Variants in LHX3 observed in about 807,000 individuals in gnomAD.
The protein encoded by LHX3 is LIM homeobox 3, also known as LIM/homeobox protein Lhx3.
In LHX3, 21 loss-of-function variants were observed where a neutral mutation model predicts 32.4. The observed-to-expected ratio is 0.65, with a 90% CI of 0.46 to 0.93. The LOEUF is 0.93. Among genes scored for constraint, LHX3 ranks in the 40% least tolerant of loss-of-function variants. The pLI is 0.00. For missense variants in LHX3, 626 were observed against 560.0 expected, an observed-to-expected ratio of 1.12 and a Z score of -1.19; for synonymous variants, 258 against 246.8, an observed-to-expected ratio of 1.05 and a Z score of -0.43.
At chr9:136,200,854 C>A in intron 1 of LHX3, 101 bp from the exon 2 acceptor site, 1 of 1,375,974 alleles carries the variant, frequency 7.3e-7, no homozygotes, top group East Asian at 2.4e-5. Flanking sequence ...GCCCACAGGA[C>A]TCAGGGCTGC....
At chr9:136,201,016 A>G in intron 1 of LHX3, 1 of 913,278 alleles carries the variant, frequency 1.1e-6, no homozygotes, top group South Asian at 1.8e-5. Context: ...AAAGCAGCCC[A>G]GGCCATTTCA....
Position 136,199,075 on chromosome 9 carries a change from G to GCT in LHX3, c.455-17_455-16insAG, listed in dbSNP as rs1342332852. The GCT allele has an allele frequency of 6.9e-6, 10 of 1,452,612 alleles. No individual in the cohort carries two copies. The highest frequency in any genetic ancestry group is 9.1e-6 in the Non-Finnish European group (10 of 1,099,812). 90.0% of individuals were successfully genotyped at this position (1,452,612 alleles called of 1,614,324 possible). On this transcript the variant is annotated splice_polypyrimidine_tract_variant and intron_variant, in intron 3 of 5. Transcript: ENST00000371748. The stretch of plus-strand genomic sequence containing the variant: ...GCCTCGGCCTCTGCGCGGCGGGCGA[G>GCT]CGGTGAGGCGCGGCAGCCCCTCCGG...
At chr9:136,201,496 C>T in intron 1 of LHX3, 9 of 1,189,344 alleles carry the variant, frequency 7.6e-6, no homozygotes, top group Non-Finnish European at 9.4e-6. Flanking sequence ...CCAAGGGTGC[C>T]CTGTGGGAGC....
chr9:136,197,527 T>TGGGGGCCA lies in LHX3; in HGVS notation c.984_991dup (p.Gln331LeufsTer31). Reference sequence around the variant, plus strand: ...GTACACCAGGCTGGAGAGGAGGGGCTGGGGGCCAGGGAGGCTCTGCGGGGC... The same window carrying TGGGGGCCA: ...GTACACCAGGCTGGAGAGGAGGGGCTGGGGGCCAGGGGGCCAGGGAGGCTCTGCGGGGC... On this transcript the variant is annotated frameshift_variant, in exon 6 of 6. Coordinates refer to ENST00000371748, the MANE Select transcript of LHX3 (RefSeq NM_178138.6). LOFTEE classifies it high-confidence loss of function. The TGGGGGCCA allele has an allele frequency of 6.6e-7, 1 of 1,506,724 alleles. No individual in the cohort carries two copies. Among genetic ancestry groups the TGGGGGCCA allele is most frequent in the Non-Finnish European group, 8.9e-7 (1 of 1,121,134 alleles). 93.3% of individuals were successfully genotyped at this position (1,506,724 alleles called of 1,614,324 possible). A position where few individuals can be genotyped will look rare whatever the true frequency, so the allele number is the denominator to read the frequency against.
chr9:136,199,509 C>G (rs116734941), intron 3 of LHX3, among the ~76,000 whole-genome samples, 169 bp downstream of exon 3: 2,102 of 152,378 alleles, frequency 0.014, 42 homozygotes, highest in African/African-American at 0.047. Context: ...CGGGTCTGTC[C>G]GTGACTCCGC....
chr9:136,201,773 C>G, intron 1 of LHX3: 3 of 892,548 alleles, frequency 3.4e-6, no homozygotes, highest in Non-Finnish European at 4.0e-6. Context: ...TGAATGCGCC[C>G]CGCATCCGGC....
chr9:136,198,637 G>A lies in LHX3; in HGVS notation c.775+15C>T, dbSNP rs777566313. On this transcript the variant is annotated intron_variant, in intron 5 of 5. Coordinates refer to ENST00000371748, the MANE Select transcript of LHX3 (RefSeq NM_178138.6). ...GCGCTCGTCCCCCCCCGAGCTCCGC[G>A]ATCCCTCCGCCTACCGGGGAAGGAG... The A allele has an allele frequency of 6.4e-7, 1 of 1,564,068 alleles. No homozygotes were observed. Among genetic ancestry groups the A allele is most frequent in the East Asian group, 2.4e-5 (1 of 42,122 alleles).
chr9:136,200,892 C>G, intron 1 of LHX3, 139 bp from the exon 2 acceptor site: 3 of 1,054,318 alleles, frequency 2.8e-6, no homozygotes, highest in Non-Finnish European at 4.2e-6. Context: ...CCTACACACC[C>G]TCTTCCCCAG....
At chr9:136,202,203 AAAAT>A (rs139122690) in intron 1 of LHX3, among the ~76,000 whole-genome samples, 5 of 151,978 alleles carry the variant, frequency 3.3e-5, no homozygotes, top group South Asian at 4.1e-4. Flanking sequence ...GAACCGTCGA[AAAAT>A]AAATAAATAA....
At chr9:136,197,784 C>T (rs1318587448) in intron 5 of LHX3, 41 bp from the exon 6 acceptor site, 2 of 1,592,648 alleles carry the variant, frequency 1.3e-6, no homozygotes, top group Admixed American at 1.7e-5. Flanking sequence ...CTGCCCTCCA[C>T]CTGCGGCCCC....
chr9:136,198,621 C>CA (rs201352295), intron 5 of LHX3, 31 bp downstream of exon 5: 8 of 1,555,260 alleles, frequency 5.1e-6, no homozygotes, highest in Non-Finnish European at 6.1e-6. Flanking sequence ...CGCGCTCGTC[C>CA]CCCCCCGAGC....
intron 1 of LHX3, chr9:136,201,781 G>A: frequency 9.4e-6 from 8 of 855,612 alleles, no homozygotes; most frequent in Non-Finnish European, 1.1e-5. Flanking sequence ...CCCCGCATCC[G>A]GCAAAACCGC....
At chr9:136,203,921 C>T (rs749434065) in intron 1 of LHX3, among the ~76,000 whole-genome samples, 74 of 152,376 alleles carry the variant, frequency 4.9e-4, no homozygotes, top group Non-Finnish European at 9.8e-4. Context: ...GAGGGACGCA[C>T]CCACCCCTGC....
rs533708386 is a variant in LHX3, at chr9:136,199,028, C to A, written c.486G>T (p.Thr162=). 7 of 1,580,280 alleles carry A rather than the reference C, an allele frequency of 4.4e-6. No individual in the cohort carries two copies. The Admixed American group carries it at 5.2e-5, about 12-fold the overall frequency. Residue 162 remains threonine, a synonymous_variant, in exon 4 of 6, where the codon ACG becomes ACT. Transcript: ENST00000371748. ...TCTCCAGCTGCTTGGCGGTGATGGT[C>A]GTGCGCGGCCGCTTGGCCGTGGCCT... ...EAEATAKRPR[T]TITAKQLETL... is the part of the protein sequence containing the mutation.
rs1421825552 is a variant in LHX3 at position 136,197,719 on chromosome 9, C to A, written c.800G>T (p.Gly267Val). The change falls in exon 6 of 6, where the codon GGC becomes GTC. Residue 267 changes from glycine (G) to valine (V), a missense_variant. Gly to Val is a moderately radical substitution (Grantham distance 109). Coordinates refer to ENST00000371748, the MANE Select transcript of LHX3 (RefSeq NM_178138.6). ...FPDEPSLAEM[G>V]PANGLYGSLG... ...GCTCCCGTAGAGGCCATTGGCCGGG[C>A]CCATTTCCGCCAAGGAAGGCTCATC... The A allele has an allele frequency of 1.2e-6, 2 of 1,603,826 alleles. No homozygotes were observed. Among genetic ancestry groups the A allele is most frequent in the Non-Finnish European group, 1.7e-6 (2 of 1,179,790 alleles).
At chr9:136,201,461 C>A in intron 1 of LHX3, 1 of 1,215,656 alleles carries the variant, frequency 8.2e-7, no homozygotes, top group Non-Finnish European at 1.0e-6. Flanking sequence ...CTGCAGGCCC[C>A]CTGGAGGAAC....
At chr9:136,202,942 C>A (rs1330371040) in intron 1 of LHX3, 3 of 1,532,246 alleles carry the variant, frequency 2.0e-6, no homozygotes, top group Non-Finnish European at 2.6e-6. Flanking sequence ...GCCCGGGCAC[C>A]CACCTCGGCG....
rs557718461 is a variant in LHX3, at chr9:136,202,828, G to A, written c.80-2075C>T. On this transcript the variant is annotated intron_variant, in intron 1 of 5. Transcript: ENST00000371748. ...GGCGCCCAGGCGCGGACGTTCCGGG[G>A]TCCTCGCGCCCACTCCCGCCCAGAT... The A allele has an allele frequency of 2.0e-5, 24 of 1,206,674 alleles. No homozygotes were observed. The East Asian group carries it at 5.9e-4, about 30-fold the overall frequency. The allele number at this position is 1,206,674 out of a possible 1,614,324, so 74.7% of individuals were successfully genotyped here.
intron 1 of LHX3, 124 bp from the exon 2 acceptor site, chr9:136,200,877 CT>C: frequency 1.7e-6 from 2 of 1,150,572 alleles, no homozygotes; most frequent in Non-Finnish European, 2.5e-6. Context: ...AGGGGTCCTC[CT>C]TTCCCTACAC....
Sources: gnomAD v4.1 joint callset for allele counts (sites outside exome capture counted in the v4.1 genomes callset) on GRCh38, gnomAD v4.1.1 for gene constraint, MANE v1.5 for transcripts, NCBI Gene and HGNC (gene_info 2026-07-23, HGNC 2026-07-21) for gene names.